Variants in GALNTL6 observed in about 807,000 individuals in gnomAD.
GALNTL6 encodes the protein polypeptide N-acetylgalactosaminyltransferase like 6.
GALNTL6 carries 46 observed loss-of-function variants against 73.7 expected under a neutral mutation model. That is an observed-to-expected ratio of 0.62 (90% CI 0.49 to 0.80). The LOEUF is 0.80. Ranked by LOEUF, GALNTL6 falls within the 30% of genes least tolerant of loss-of-function variation. The probability of loss-of-function intolerance (pLI) is 0.00; values close to 1 mark genes in which losing one functional copy is unlikely to be tolerated. For missense variants in GALNTL6, 604 were observed against 755.0 expected (o/e 0.80, Z 2.34); for synonymous variants, 259 against 263.7 (o/e 0.98, Z 0.17).
In GALNTL6 at chr4:172,813,624, C is replaced by T. The variant is rs1161165684; in HGVS notation, c.824C>T (p.Ala275Val). Residue 275 changes from alanine to valine, a missense_variant, in exon 7 of 13, where the codon GCT becomes GTT. Physicochemically the swap from Ala to Val is moderately conservative, Grantham distance 64. Around this residue, in one of 5 missense-constraint regions of GALNTL6, gnomAD observed 179 missense variants for 230.8 expected, o/e 0.78. Coordinates refer to ENST00000506823, the MANE Select transcript of GALNTL6 (RefSeq NM_001034845.3). ...AATCACTTCGGGTATGAGGCACAAG[C>T]TGGGGATGCCATGCGAGGAGCCTTC... ...DHNHFGYEAQ[A>V]GDAMRGAFDW... is the part of the protein sequence containing the mutation. 1 of 1,613,340 alleles carries T rather than the reference C, an allele frequency of 6.2e-7. No individual in the cohort carries two copies. The highest frequency in any genetic ancestry group is 8.5e-7 in the Non-Finnish European group (1 of 1,179,566).
rs780668650 is a variant in GALNTL6, at chr4:172,430,077, G to GTA, written c.553+81401_553+81402dup. ...TCTTGAGCAAAATATATATGTGTGT[G>GTA]TATATATATATATACATATATATAT... On this transcript the variant is annotated intron_variant, in intron 5 of 12. Transcript: ENST00000506823. 4.2e-3 allele frequency among the ~76,000 whole-genome samples: 638 copies of GTA among 150,278 alleles called. 6 individuals carry two copies. Among genetic ancestry groups the GTA allele is most frequent in the East Asian group, 0.016 (80 of 5,114 alleles).
chr4:172,825,766 A>G (rs1378841112), intron 7 of GALNTL6, among the ~76,000 whole-genome samples: 1 of 152,196 alleles, frequency 6.6e-6, no homozygotes, highest in Non-Finnish European at 1.5e-5. Flanking sequence ...TGTAGGGGAA[A>G]GCTGTGCGTA....
chr4:172,531,136 A>G (rs1475074916), intron 5 of GALNTL6, among the ~76,000 whole-genome samples: 3 of 152,190 alleles, frequency 2.0e-5, no homozygotes, highest in Non-Finnish European at 2.9e-5. Flanking sequence ...AGGTTTTTAG[A>G]AAGTCCATTA....
intron 2 of GALNTL6, among the ~76,000 whole-genome samples, chr4:171,879,691 A>G (rs559343301): frequency 1.3e-5 from 2 of 152,302 alleles, no homozygotes. Flanking sequence ...TTGTTGAGGT[A>G]ATAGGGAAAA....
intron 12 of GALNTL6, among the ~76,000 whole-genome samples, chr4:173,027,602 T>C (rs1753286357): frequency 6.6e-6 from 1 of 152,180 alleles, no homozygotes; most frequent in South Asian, 2.1e-4. Context: ...CCATCACTCT[T>C]AGTGGTGAAA....
intron 2 of GALNTL6, among the ~76,000 whole-genome samples, chr4:172,016,970 T>C (rs1171410943): frequency 6.6e-6 from 1 of 152,066 alleles, no homozygotes; most frequent in African/African-American, 2.4e-5. Flanking sequence ...TCTCTTGAAG[T>C]TTATCTCGTT....
intron 4 of GALNTL6, among the ~76,000 whole-genome samples, chr4:172,324,297 C>T (rs990432335): frequency 1.3e-5 from 2 of 151,788 alleles, no homozygotes; most frequent in Non-Finnish European, 2.9e-5. Flanking sequence ...CTTGAACAAA[C>T]TTATTAATGA....
intron 8 of GALNTL6, among the ~76,000 whole-genome samples, chr4:172,917,081 A>G (rs1244604915): frequency 6.6e-6 from 1 of 152,254 alleles, no homozygotes; most frequent in Non-Finnish European, 1.5e-5. Context: ...CAGAGCCCTC[A>G]GAAATAATAC....
chr4:172,371,191 A>G (rs1033179147), intron 5 of GALNTL6, among the ~76,000 whole-genome samples: 1 of 152,138 alleles, frequency 6.6e-6, no homozygotes, highest in Non-Finnish European at 1.5e-5. Flanking sequence ...CTGAATACCC[A>G]TTGTGTCTTT....
chr4:172,875,598 A>G (rs1178815233), intron 7 of GALNTL6, among the ~76,000 whole-genome samples: 2 of 152,100 alleles, frequency 1.3e-5, no homozygotes, highest in Non-Finnish European at 2.9e-5. Flanking sequence ...CAGATTGTTT[A>G]CCATCCACCT....
chr4:172,989,756 T>C (rs1482418506), intron 10 of GALNTL6, among the ~76,000 whole-genome samples: 1 of 152,218 alleles, frequency 6.6e-6, no homozygotes, highest in Non-Finnish European at 1.5e-5. Context: ...CAGCCATACT[T>C]CCTGTACAGC....
At chr4:172,765,785 T>C (rs932143154) in intron 5 of GALNTL6, among the ~76,000 whole-genome samples, 2 of 152,060 alleles carry the variant, frequency 1.3e-5, no homozygotes, top group African/African-American at 2.4e-5. Flanking sequence ...TAGATATCTC[T>C]TCATACTCAT....
chr4:172,310,459 C>T (rs1018838532), intron 3 of GALNTL6, among the ~76,000 whole-genome samples: 40 of 152,008 alleles, frequency 2.6e-4, no homozygotes, highest in African/African-American at 6.3e-4. Flanking sequence ...TTAGTAGAGA[C>T]GGCATTTCGC....
chr4:172,104,011 T>C (rs1208092928), intron 2 of GALNTL6, among the ~76,000 whole-genome samples: 2 of 151,610 alleles, frequency 1.3e-5, no homozygotes, highest in Non-Finnish European at 2.9e-5. Flanking sequence ...TGGTGCAATC[T>C]CCGCTCACTG....
intron 7 of GALNTL6, among the ~76,000 whole-genome samples, chr4:172,834,576 G>A (rs1347738818): frequency 1.3e-5 from 2 of 152,230 alleles, no homozygotes. Flanking sequence ...CTTCCAGCAT[G>A]GGAGTTGAGG....
chr4:172,301,104 C>A lies in GALNTL6; in HGVS notation c.248-10510C>A, dbSNP rs149307053. Among the ~76,000 whole-genome samples, 1,113 of 152,272 alleles carry A rather than the reference C, an allele frequency of 7.3e-3. 14 individuals are homozygous for A. The highest frequency in any genetic ancestry group is 0.025 in the African/African-American group (1,050 of 41,558). On this transcript the variant is annotated intron_variant, in intron 3 of 12. Transcript: ENST00000506823. ...TTTCTCTAAACTTCTCTTCTCTCTT[C>A]ATTTCATTCATTTGATCTTCCATCA...
At chr4:173,035,528 A>C (rs1047320831) in intron 12 of GALNTL6, among the ~76,000 whole-genome samples, 1 of 152,178 alleles carries the variant, frequency 6.6e-6, no homozygotes, top group East Asian at 1.9e-4. Context: ...GTCGTGGGTC[A>C]GTTGGTGCCT....
At chr4:172,649,764 A>G (rs982334601) in intron 5 of GALNTL6, among the ~76,000 whole-genome samples, 2 of 152,226 alleles carry the variant, frequency 1.3e-5, no homozygotes, top group African/African-American at 4.8e-5. Flanking sequence ...TCAAGTTAAT[A>G]AAATGAAACA....
intron 7 of GALNTL6, 97 bp downstream of exon 7, chr4:172,813,820 T>G (rs1266804900): frequency 3.1e-6 from 3 of 952,650 alleles, no homozygotes; most frequent in Non-Finnish European, 4.6e-6. Context: ...TCTAACAAAA[T>G]GGAATAAAAC....
Sources: allele counts gnomAD v4.1 joint callset (sites outside exome capture counted in the v4.1 genomes callset), GRCh38; gene constraint gnomAD v4.1.1; regional missense constraint gnomAD v4.1.1; transcripts MANE v1.5; gene names NCBI Gene and HGNC (gene_info 2026-07-23, HGNC 2026-07-21).